The following CTDSPL2 variants were observed in gnomAD, a reference collection of about 807,000 sequenced individuals.
CTDSPL2 encodes the protein CTD small phosphatase like 2.
CTDSPL2 carries 5 observed loss-of-function variants against 60.0 expected under a neutral mutation model. The ratio of observed to expected loss-of-function variants is 0.08; its 90% CI spans 0.04 to 0.18. CTDSPL2 has a LOEUF of 0.18. CTDSPL2 is among the 10% of genes least tolerant of loss of function. The pLI, the probability that CTDSPL2 is intolerant of heterozygous loss-of-function variation, is 1.00. For synonymous variants in CTDSPL2, 186 were observed against 189.3 expected (o/e 0.98, Z 0.14); for missense variants, 370 against 548.8 (o/e 0.67, Z 3.26).
intron 1 of CTDSPL2, among the ~76,000 whole-genome samples, chr15:44,430,872 A>G (rs2079842596): frequency 6.6e-6 from 1 of 150,614 alleles, no homozygotes; most frequent in Non-Finnish European, 1.5e-5. Flanking sequence ...CCCAGGCTGG[A>G]GTGGAATGGT....
At chr15:44,502,410 T>G (rs750153698) in intron 8 of CTDSPL2, among the ~76,000 whole-genome samples, 34 of 152,258 alleles carry the variant, frequency 2.2e-4, no homozygotes, top group Non-Finnish European at 4.1e-4. Flanking sequence ...TATTTCTGTT[T>G]CATTTCAAAA....
intron 2 of CTDSPL2, among the ~76,000 whole-genome samples, chr15:44,477,421 G>A (rs1361214967): frequency 6.6e-6 from 1 of 152,106 alleles, no homozygotes; most frequent in Admixed American, 6.6e-5. Context: ...TGTAGTCCCA[G>A]CTACTTGGGA....
At chr15:44,481,252 C>T (rs567353158) in intron 2 of CTDSPL2, among the ~76,000 whole-genome samples, 1 of 152,328 alleles carries the variant, frequency 6.6e-6, no homozygotes, top group South Asian at 2.1e-4. Flanking sequence ...TCAATGACTG[C>T]AGAATTTTAG....
chr15:44,519,144 AATTTGTTTTTATTTTT>A lies in CTDSPL2; in HGVS notation c.1113-22_1113-7del. The A allele has an allele frequency of 7.1e-7, 1 of 1,406,086 alleles. No individual in the cohort carries two copies. Among genetic ancestry groups the A allele is most frequent in the South Asian group, 1.7e-5 (1 of 58,838 alleles). 87.1% of individuals were successfully genotyped at this position (1,406,086 alleles called of 1,614,324 possible). On this transcript the variant is annotated splice_polypyrimidine_tract_variant and intron_variant, in intron 10 of 12. Transcript: ENST00000260327. ...ACTTTTTAGAAAGTTTTTTTTTTTTAATTTGTTTTTATTTTTATGTTTAGGCACCGGCTTTTCCGTG... is the reference window on the plus strand; with the variant it reads ...ACTTTTTAGAAAGTTTTTTTTTTTTAATGTTTAGGCACCGGCTTTTCCGTG...
chr15:44,458,892 C>A, intron 1 of CTDSPL2, 99 bp from the exon 2 acceptor site: 1 of 773,934 alleles, frequency 1.3e-6, no homozygotes, highest in Non-Finnish European at 1.8e-6. Context: ...TTTTTTTAGC[C>A]AAGATATTTT....
intron 8 of CTDSPL2, among the ~76,000 whole-genome samples, chr15:44,509,287 C>T (rs2081525629): frequency 6.6e-6 from 1 of 151,960 alleles, no homozygotes; most frequent in Non-Finnish European, 1.5e-5. Context: ...GTGCAACCTC[C>T]ACCTTCGCTG....
chr15:44,494,597 C>CA (rs35844626), intron 5 of CTDSPL2, among the ~76,000 whole-genome samples: 143 of 140,520 alleles, frequency 1.0e-3, no homozygotes, highest in East Asian at 2.5e-3. Flanking sequence ...GACCCTGTCT[C>CA]AAAAAAAAAA....
chr15:44,473,544 C>T (rs2080853886), intron 2 of CTDSPL2, among the ~76,000 whole-genome samples: 1 of 152,156 alleles, frequency 6.6e-6, no homozygotes, highest in Non-Finnish European at 1.5e-5. Context: ...ATCCACCCGC[C>T]CCGGCCTCCC....
At chr15:44,512,061 G>A (rs1414528568) in intron 8 of CTDSPL2, among the ~76,000 whole-genome samples, 1 of 151,826 alleles carries the variant, frequency 6.6e-6, no homozygotes, top group Non-Finnish European at 1.5e-5. Context: ...GCCAGGCATG[G>A]TGTTATGCAC....
At chr15:44,432,310 T>TTTA (rs5812274) in intron 1 of CTDSPL2, among the ~76,000 whole-genome samples, 16 of 148,070 alleles carry the variant, frequency 1.1e-4, no homozygotes, top group Non-Finnish European at 1.3e-4. Context: ...ATATTATTAT[T>TTTA]TTATTATTAT....
At chr15:44,440,069 A>G (rs1335053474) in intron 1 of CTDSPL2, among the ~76,000 whole-genome samples, 1 of 152,176 alleles carries the variant, frequency 6.6e-6, no homozygotes, top group Admixed American at 6.5e-5. Context: ...TTAGAAATTA[A>G]TGGATATGGG....
intron 8 of CTDSPL2, among the ~76,000 whole-genome samples, chr15:44,506,307 G>A (rs564447658): frequency 4.0e-5 from 6 of 151,662 alleles, no homozygotes; most frequent in African/African-American, 1.2e-4. Flanking sequence ...TGGGATTACC[G>A]GCATGAGGCA....
chr15:44,507,505 C>T (rs561346740), intron 8 of CTDSPL2, among the ~76,000 whole-genome samples: 1 of 152,280 alleles, frequency 6.6e-6, no homozygotes, highest in Non-Finnish European at 1.5e-5. Context: ...CTGTCTACCT[C>T]TTATTGGAAT....
chr15:44,508,240 G>A (rs1263278753), intron 8 of CTDSPL2, among the ~76,000 whole-genome samples: 2 of 151,678 alleles, frequency 1.3e-5, no homozygotes, highest in African/African-American at 2.4e-5. Flanking sequence ...GTGCCACCAC[G>A]CCTGGCTAAT....
At chr15:44,519,966 G>T (rs566195329) in intron 11 of CTDSPL2, 1 of 151,996 alleles carries the variant, frequency 6.6e-6, no homozygotes, top group South Asian at 2.1e-4. Context: ...TAGAGACGGG[G>T]TTTCTCCATG....
At position 44,528,487 on chromosome 15, in the gene CTDSPL2, C is replaced by T. The variant is rs1042845274; in HGVS notation, c.*4313C>T. ...AGTAGGCAACAAAATTAAAGTTCAC[C>T]AGACATCTCTTTGTGGTAGAGTTTT... On this transcript the variant is annotated 3_prime_UTR_variant, in exon 13 of 13. Transcript: ENST00000260327. 1 of 151,448 alleles carries T rather than the reference C, an allele frequency of 6.6e-6. No individual in the cohort carries two copies. Among genetic ancestry groups the T allele is most frequent in the African/African-American group, 2.4e-5 (1 of 41,240 alleles). The allele number at this position is 151,448 out of a possible 1,614,324, so 9.4% of individuals were successfully genotyped here.
intron 10 of CTDSPL2, chr15:44,518,952 G>C (rs1431631595): frequency 9.6e-6 from 3 of 311,378 alleles, no homozygotes; most frequent in Non-Finnish European, 1.8e-5. Context: ...AGTTCTTTAA[G>C]GCATAGTAAT....
At chr15:44,500,322 G>C (rs2081365158) in intron 8 of CTDSPL2, among the ~76,000 whole-genome samples, 1 of 152,106 alleles carries the variant, frequency 6.6e-6, no homozygotes, top group South Asian at 2.1e-4. Context: ...ATTTTAGTTT[G>C]AGCATTTCTC....
In CTDSPL2 at chr15:44,458,927, G is replaced by A. The variant is rs374110525; in HGVS notation, c.-24-64G>A. The A allele has an allele frequency of 1.6e-5, 18 of 1,094,414 alleles. No individual in the cohort carries two copies. The East Asian group carries it at 3.5e-4, about 21-fold the overall frequency. The allele number at this position is 1,094,414 out of a possible 1,614,324, so 67.8% of individuals were successfully genotyped here. The stretch of plus-strand genomic sequence containing the variant: ...TTATTATATAAGCTGGGCACATTTG[G>A]GTAGAGAAGGTTGAATTTAATAACT... On this transcript the variant is annotated intron_variant, in intron 1 of 12. Transcript: ENST00000260327.
Sources: allele counts gnomAD v4.1 joint callset (sites outside exome capture counted in the v4.1 genomes callset), GRCh38; gene constraint gnomAD v4.1.1; transcripts MANE v1.5; gene names NCBI Gene and HGNC (gene_info 2026-07-23, HGNC 2026-07-21).